Variants in ENTPD7 observed in about 807,000 individuals in gnomAD.
The protein encoded by ENTPD7 is NTPDase 7.
A neutral mutation model predicts 77.9 loss-of-function variants in ENTPD7; 53 were observed. The observed-to-expected ratio is 0.68, with a 90% CI of 0.55 to 0.85. The LOEUF is 0.85. ENTPD7 is among the 40% of genes least tolerant of loss of function. The pLI is 0.00. For synonymous variants in ENTPD7, 248 were observed against 274.9 expected (o/e 0.90, Z 0.97); for missense variants, 636 against 743.7 (o/e 0.86, Z 1.68).
intron 7 of ENTPD7, among the ~76,000 whole-genome samples, chr10:99,689,276 C>T (rs182983779): frequency 2.0e-5 from 3 of 152,180 alleles, no homozygotes; most frequent in African/African-American, 7.2e-5. Flanking sequence ...AATGTTTATT[C>T]GTAGTGGGCT....
chr10:99,671,906 C>T (rs754430739), intron 3 of ENTPD7, among the ~76,000 whole-genome samples: 10 of 152,152 alleles, frequency 6.6e-5, no homozygotes, highest in Non-Finnish European at 1.2e-4. Context: ...ATAGGTGTTT[C>T]AATTCTGTTT....
chr10:99,679,509 A>C (rs1183528066), intron 4 of ENTPD7, 43 bp downstream of exon 4: 4 of 1,547,182 alleles, frequency 2.6e-6, no homozygotes, highest in Non-Finnish European at 3.5e-6. Flanking sequence ...CTTTTAAGGC[A>C]TGAAAGAGGA....
chr10:99,665,559 A>T (rs2035538731), intron 3 of ENTPD7, among the ~76,000 whole-genome samples: 1 of 152,222 alleles, frequency 6.6e-6, no homozygotes, highest in Non-Finnish European at 1.5e-5. Flanking sequence ...TTGAGCAGCC[A>T]CTATGTGCAG....
At chr10:99,675,571 T>TG (rs2035670768) in intron 3 of ENTPD7, among the ~76,000 whole-genome samples, 1 of 40,934 alleles carries the variant, frequency 2.4e-5, no homozygotes, top group Non-Finnish European at 4.6e-5. Flanking sequence ...TGGGGTGGGG[T>TG]GGGGTTTAGA....
chr10:99,688,691 T>A lies in ENTPD7; in HGVS notation c.653-3T>A. The A allele has an allele frequency of 6.2e-7, 1 of 1,613,886 alleles. No individual in the cohort carries two copies. The highest frequency in any genetic ancestry group is 8.5e-7 in the Non-Finnish European group (1 of 1,179,862). On this transcript the variant is annotated splice_region_variant and splice_polypyrimidine_tract_variant and intron_variant, in intron 6 of 12. Transcript: ENST00000370489. Reference sequence around the variant, plus strand: ...AGTGAGGGCTTTTCTGTTTCTTACTTAGGGGTTTATGCATGGATTGGAATC... The same window carrying A: ...AGTGAGGGCTTTTCTGTTTCTTACTAAGGGGTTTATGCATGGATTGGAATC...
chr10:99,678,843 G>A (rs1330642361), intron 3 of ENTPD7, among the ~76,000 whole-genome samples: 1 of 149,396 alleles, frequency 6.7e-6, no homozygotes, highest in Non-Finnish European at 1.5e-5. Flanking sequence ...TATTCTGGAT[G>A]CATCTATACA....
chr10:99,678,037 C>T (rs750920349), intron 3 of ENTPD7, among the ~76,000 whole-genome samples: 1 of 151,710 alleles, frequency 6.6e-6, no homozygotes, highest in Non-Finnish European at 1.5e-5. Context: ...ATACTAATGT[C>T]CTAGGGGCCA....
chr10:99,702,462 A>G (rs1202900700), intron 11 of ENTPD7, 50 bp from the exon 12 acceptor site: 5 of 1,461,028 alleles, frequency 3.4e-6, no homozygotes, highest in African/African-American at 2.9e-5. Context: ...AAAGGAAAGT[A>G]TTAGAATTCT....
intron 8 of ENTPD7, among the ~76,000 whole-genome samples, chr10:99,695,139 T>C (rs1590053240): frequency 6.6e-6 from 1 of 152,162 alleles, no homozygotes; most frequent in Non-Finnish European, 1.5e-5. Context: ...GAAAAAAATA[T>C]AGCACCTTTT....
chr10:99,692,023 T>G (rs2035890609), intron 8 of ENTPD7, among the ~76,000 whole-genome samples: 1 of 152,222 alleles, frequency 6.6e-6, no homozygotes, highest in South Asian at 2.1e-4. Context: ...AGACACTTTT[T>G]GTACAGCCAT....
rs1005398898 is a variant in ENTPD7, at chr10:99,679,735, A to G, written c.408A>G (p.Ala136=). 3 of 1,607,330 alleles carry G rather than the reference A, an allele frequency of 1.9e-6. No individual in the cohort carries two copies. In the African/African-American group the frequency reaches 4.0e-5, roughly 22 times the overall value. Residue 136 remains alanine, a synonymous_variant, in exon 5 of 13, where the codon GCA becomes GCG. Transcript: ENST00000370489. ...VVKKIKPGIS[A]MADTPEHASD... ...TTGTTTTAACTTAAGGAATCTCTGC[A>G]ATGGCAGACACTCCAGAACATGCCA...
At position 99,708,689 on chromosome 10, in the gene ENTPD7, G is replaced by A. The variant is rs1432579192; in HGVS notation, c.*4006G>A. On this transcript the variant is annotated 3_prime_UTR_variant, in exon 13 of 13. Coordinates refer to ENST00000370489, the MANE Select transcript of ENTPD7 (RefSeq NM_020354.5). ...TGATGATAAGGTTGGTGGGAACAGA[G>A]TTTCTAATAGTAATCATAATAAATT... is the stretch of plus-strand genomic sequence containing the variant. 3 of 397,246 alleles carry A rather than the reference G, an allele frequency of 7.6e-6. No homozygotes were observed. The highest frequency in any genetic ancestry group is 6.6e-5 in the African/African-American group (3 of 45,762). 24.6% of individuals were successfully genotyped at this position (397,246 alleles called of 1,614,324 possible).
At chr10:99,699,557 T>A (rs2036063587) in intron 10 of ENTPD7, among the ~76,000 whole-genome samples, 1 of 152,116 alleles carries the variant, frequency 6.6e-6, no homozygotes, top group South Asian at 2.1e-4. Flanking sequence ...AATGGGAGAA[T>A]CTGTCCTCAT....
At chr10:99,694,644 C>G (rs1385225334) in intron 8 of ENTPD7, among the ~76,000 whole-genome samples, 1 of 149,892 alleles carries the variant, frequency 6.7e-6, no homozygotes, top group Admixed American at 6.7e-5. Context: ...TCAAGCGATT[C>G]TCCTGCCTCA....
Position 99,707,642 on chromosome 10 carries a change from T to G in ENTPD7, c.*2959T>G, listed in dbSNP as rs951041840. On this transcript the variant is annotated 3_prime_UTR_variant, in exon 13 of 13. Transcript: ENST00000370489. The stretch of plus-strand genomic sequence containing the variant: ...ACAGAGACAATGAACCTGAACTGTT[T>G]TAGGACTCTTGTTATTACTGAGACA... 2.0e-5 allele frequency among the ~76,000 whole-genome samples: 3 copies of G among 152,206 alleles called. No individual in the cohort carries two copies. In the South Asian group the frequency reaches 6.2e-4, roughly 32 times the overall value.
chr10:99,691,330 G>C, intron 7 of ENTPD7, 55 bp from the exon 8 acceptor site: 1 of 1,573,612 alleles, frequency 6.4e-7, no homozygotes, highest in Non-Finnish European at 8.6e-7. Flanking sequence ...TTGGGGGTTT[G>C]ACTTAATTTT....
chr10:99,691,397 A>C lies in ENTPD7; in HGVS notation c.722A>C (p.Glu241Ala). 6.2e-7 allele frequency: 1 copy of C among 1,613,402 alleles called. No individual in the cohort carries two copies. The highest frequency in any genetic ancestry group is 1.3e-5 in the African/African-American group (1 of 74,996). ...TTATTTATTTCAGAATCAGATGCTGAGGCTACCCAGGAATTGGCAGCAGGA... is the reference window on the plus strand; with the variant it reads ...TTATTTATTTCAGAATCAGATGCTGCGGCTACCCAGGAATTGGCAGCAGGA... ...RFDHEDESDA[E>A]ATQELAAGRR... The change falls in exon 8 of 13, where the codon GAG becomes GCG. Residue 241 changes from glutamate to alanine, a missense_variant. Glu to Ala is a moderately radical substitution (Grantham distance 107, BLOSUM62 -1). This residue lies in a region of ENTPD7 where 486 missense variants were observed against 556.5 expected (regional missense o/e 0.87). Transcript: ENST00000370489.
chr10:99,691,254 T>G, intron 7 of ENTPD7, 131 bp from the exon 8 acceptor site: 4 of 902,098 alleles, frequency 4.4e-6, no homozygotes, highest in Non-Finnish European at 6.5e-6. Flanking sequence ...GGCCTCCCAG[T>G]GTTTTGGGAT....
chr10:99,707,787 A>C lies in ENTPD7; in HGVS notation c.*3104A>C, dbSNP rs2036281712. The stretch of plus-strand genomic sequence containing the variant: ...TAGAACATAATGAAAAATATGTAAA[A>C]TACCCATTTATGTGGCATTTCATTC... On this transcript the variant is annotated 3_prime_UTR_variant, in exon 13 of 13. Coordinates refer to ENST00000370489, the MANE Select transcript of ENTPD7 (RefSeq NM_020354.5). Among the ~76,000 whole-genome samples, 1 of 152,242 alleles carries C rather than the reference A, an allele frequency of 6.6e-6. No individual in the cohort carries two copies.
Sources: allele counts gnomAD v4.1 joint callset (sites outside exome capture counted in the v4.1 genomes callset), GRCh38; gene constraint gnomAD v4.1.1; regional missense constraint gnomAD v4.1.1; transcripts MANE v1.5; gene names NCBI Gene and HGNC (gene_info 2026-07-23, HGNC 2026-07-21).